SDK1: variants seen among roughly 807,000 people sequenced by gnomAD.
SDK1 encodes sidekick cell adhesion molecule 1, also known as protein sidekick-1.
SDK1 carries 157 observed loss-of-function variants against 245.5 expected under a neutral mutation model. The ratio of observed to expected loss-of-function variants is 0.64; its 90% CI spans 0.56 to 0.73. SDK1 has a LOEUF of 0.73. SDK1 is among the 30% of genes least tolerant of loss of function. SDK1 has a pLI of 0.00. For synonymous variants in SDK1, 1,647 were observed against 1,278.5 expected (o/e 1.29, Z -6.15); for missense variants, 3,583 against 3,002.3 (o/e 1.19, Z -4.52).
At chr7:3,404,125 C>G (rs1468404685) in intron 1 of SDK1, among the ~76,000 whole-genome samples, 1 of 151,636 alleles carries the variant, frequency 6.6e-6, no homozygotes, top group Non-Finnish European at 1.5e-5. Flanking sequence ...GTGAAGTGAG[C>G]TGATGCTATT....
chr7:3,390,753 T>G (rs1488920496), intron 1 of SDK1, among the ~76,000 whole-genome samples: 2 of 152,136 alleles, frequency 1.3e-5, no homozygotes, highest in Non-Finnish European at 2.9e-5. Context: ...TGGAACAAAT[T>G]CTCCCTTTGA....
At chr7:3,393,962 C>T (rs1488606464) in intron 1 of SDK1, among the ~76,000 whole-genome samples, 1 of 152,098 alleles carries the variant, frequency 6.6e-6, no homozygotes, top group Non-Finnish European at 1.5e-5. Flanking sequence ...ATCATTTGGG[C>T]TTATTTGTAC....
chr7:3,638,919 T>C, intron 2 of SDK1, 85 bp from the exon 3 acceptor site: 1 of 725,958 alleles, frequency 1.4e-6, no homozygotes. Context: ...ATGCCAGTGC[T>C]GTTTGATAAA....
chr7:3,534,403 A>T (rs1318452803), intron 1 of SDK1, among the ~76,000 whole-genome samples: 1 of 152,182 alleles, frequency 6.6e-6, no homozygotes, highest in Non-Finnish European at 1.5e-5. Context: ...ACATATCTGG[A>T]AGTGAGATTG....
intron 4 of SDK1, among the ~76,000 whole-genome samples, chr7:3,787,447 A>G (rs1780939228): frequency 6.6e-6 from 1 of 152,118 alleles, no homozygotes; most frequent in African/African-American, 2.4e-5. Flanking sequence ...TGTTCCTCCC[A>G]TTTGAGCTTA....
chr7:3,705,036 C>G (rs920151399), intron 4 of SDK1, among the ~76,000 whole-genome samples: 3 of 152,096 alleles, frequency 2.0e-5, no homozygotes, highest in African/African-American at 7.2e-5. Flanking sequence ...TACTCTGTTT[C>G]ATTGGTCTAT....
chr7:3,421,645 C>A (rs1013084747), intron 1 of SDK1, among the ~76,000 whole-genome samples: 1 of 152,110 alleles, frequency 6.6e-6, no homozygotes, highest in Non-Finnish European at 1.5e-5. Context: ...ATTGCGTGAG[C>A]GTCTACAGCT....
chr7:3,879,918 C>T (rs910136618), intron 5 of SDK1, among the ~76,000 whole-genome samples: 1 of 151,894 alleles, frequency 6.6e-6, no homozygotes, highest in Non-Finnish European at 1.5e-5. Flanking sequence ...GCGTATGCTA[C>T]ATGACCATTT....
intron 5 of SDK1, among the ~76,000 whole-genome samples, chr7:3,949,608 C>T (rs1159541965): frequency 8.5e-5 from 13 of 152,168 alleles, no homozygotes; most frequent in Non-Finnish European, 1.6e-4. Context: ...CTTACATCTC[C>T]GCCCTTTATT....
intron 1 of SDK1, among the ~76,000 whole-genome samples, chr7:3,566,813 A>G (rs1471666522): frequency 6.6e-6 from 1 of 152,190 alleles, no homozygotes; most frequent in African/African-American, 2.4e-5. Context: ...AAGGCTAACC[A>G]GCATAGGAAG....
chr7:3,550,011 T>G (rs1459708602), intron 1 of SDK1, among the ~76,000 whole-genome samples: 2 of 152,304 alleles, frequency 1.3e-5, no homozygotes, highest in Non-Finnish European at 2.9e-5. Flanking sequence ...AATATGCCTA[T>G]TAAACATTAG....
chr7:3,908,008 C>G (rs1779015630), intron 5 of SDK1, among the ~76,000 whole-genome samples: 1 of 152,180 alleles, frequency 6.6e-6, no homozygotes, highest in Non-Finnish European at 1.5e-5. Context: ...TGAACCAATA[C>G]TCATTCCTGC....
At chr7:3,737,739 G>A (rs767727711) in intron 4 of SDK1, among the ~76,000 whole-genome samples, 8 of 152,200 alleles carry the variant, frequency 5.3e-5, no homozygotes, top group Non-Finnish European at 1.0e-4. Context: ...TGTGAGACAA[G>A]ACAGAAGGAG....
At chr7:4,165,149 A>T (rs1206745551) in intron 32 of SDK1, among the ~76,000 whole-genome samples, 2 of 152,116 alleles carry the variant, frequency 1.3e-5, no homozygotes, top group Non-Finnish European at 2.9e-5. Flanking sequence ...ACCTGAGGTC[A>T]GGAGTTCAAG....
At chr7:4,008,843 A>C (rs547304326) in intron 14 of SDK1, among the ~76,000 whole-genome samples, 57 of 152,264 alleles carry the variant, frequency 3.7e-4, no homozygotes, top group African/African-American at 1.3e-3. Context: ...ACTGTGAATA[A>C]AGCTGCTTTG....
chr7:4,184,242 C>A (rs1562403149), intron 35 of SDK1, among the ~76,000 whole-genome samples: 1 of 152,222 alleles, frequency 6.6e-6, no homozygotes, highest in Non-Finnish European at 1.5e-5. Context: ...TGCTCAAAGG[C>A]TTTTATGAAA....
At chr7:3,378,425 T>C (rs1197818344) in intron 1 of SDK1, among the ~76,000 whole-genome samples, 3 of 152,216 alleles carry the variant, frequency 2.0e-5, no homozygotes, top group Non-Finnish European at 4.4e-5. Context: ...GTGGGTGTTA[T>C]CACTTGCGTT....
intron 5 of SDK1, 131 bp downstream of exon 5, chr7:3,821,714 T>A (rs1779651029): frequency 7.8e-6 from 7 of 892,486 alleles, no homozygotes; most frequent in Middle Eastern, 2.6e-4. Flanking sequence ...TTAATATTGA[T>A]CCAGTGCCAA....
intron 22 of SDK1, among the ~76,000 whole-genome samples, chr7:4,097,135 A>G (rs1394590664): frequency 6.6e-6 from 1 of 152,218 alleles, no homozygotes; most frequent in African/African-American, 2.4e-5. Context: ...GAGGGTCAGG[A>G]GCAGCCCATC....
Sources: allele counts gnomAD v4.1 joint callset (sites outside exome capture counted in the v4.1 genomes callset), GRCh38; gene constraint gnomAD v4.1.1; transcripts MANE v1.5; gene names NCBI Gene and HGNC (gene_info 2026-07-23, HGNC 2026-07-21).